The following ARHGEF3 variants were observed in gnomAD, a reference collection of about 807,000 sequenced individuals.
The protein encoded by ARHGEF3 is Rho guanine nucleotide exchange factor 3.
A neutral mutation model predicts 63.2 loss-of-function variants in ARHGEF3; 28 were observed. That is an observed-to-expected ratio of 0.44 (90% CI 0.33 to 0.61). The LOEUF (loss-of-function observed/expected upper bound fraction) is 0.61, where lower values mean the gene tolerates loss of function less well. Among genes scored for constraint, ARHGEF3 ranks in the 20% least tolerant of loss-of-function variants. The pLI, the probability that ARHGEF3 is intolerant of heterozygous loss-of-function variation, is 0.03. For missense variants in ARHGEF3, 533 were observed against 659.3 expected (o/e 0.81, Z 2.10); for synonymous variants, 266 against 254.2 (o/e 1.05, Z -0.44).
In ARHGEF3 at chr3:56,755,078, G is replaced by A. The variant is rs942954666; in HGVS notation, c.278C>T (p.Pro93Leu). The A allele has an allele frequency of 6.2e-7, 1 of 1,614,030 alleles. No homozygotes were observed. The highest frequency in any genetic ancestry group is 1.3e-5 in the African/African-American group (1 of 74,916). Residue 93 changes from proline to leucine, a missense_variant, in exon 3 of 10, where the codon CCC becomes CTC. Coordinates refer to ENST00000296315, the MANE Select transcript of ARHGEF3 (RefSeq NM_019555.3). ...APRPWSRNAA[P>L]SSTKRRDSKL... Reference sequence around the variant, plus strand: ...GCTATCTCTCCGTTTCGTGCTCGAGGGGGCGGCATTTCTGGACCAGGGTCG... The same window carrying A: ...GCTATCTCTCCGTTTCGTGCTCGAGAGGGCGGCATTTCTGGACCAGGGTCG...
chr3:56,788,136 G>T (rs2036912694), intron 1 of ARHGEF3, among the ~76,000 whole-genome samples: 1 of 152,146 alleles, frequency 6.6e-6, no homozygotes, highest in African/African-American at 2.4e-5. Context: ...GTGAGCCCAG[G>T]TTCAAAGGTG....
chr3:56,860,069 T>TAGAC (rs1198924398), intron 4 of ARHGEF3, among the ~76,000 whole-genome samples: 1 of 151,694 alleles, frequency 6.6e-6, no homozygotes, highest in African/African-American at 2.4e-5. Context: ...GATAGATAGA[T>TAGAC]CGATAGATAG....
At chr3:56,757,831 T>G (rs1273369648) in intron 2 of ARHGEF3, among the ~76,000 whole-genome samples, 1 of 151,720 alleles carries the variant, frequency 6.6e-6, no homozygotes, top group African/African-American at 2.4e-5. Context: ...CACACCATTC[T>G]CCTGCCTCAG....
chr3:56,759,594 C>T (rs62252668), intron 2 of ARHGEF3, among the ~76,000 whole-genome samples: 11,308 of 152,192 alleles, frequency 0.074, 471 homozygotes, highest in East Asian at 0.11. Context: ...TGCAGTGGTG[C>T]AACCATATCT....
intron 3 of ARHGEF3, among the ~76,000 whole-genome samples, chr3:56,941,297 TC>T (rs1197358866): frequency 6.6e-6 from 1 of 152,232 alleles, no homozygotes; most frequent in Non-Finnish European, 1.5e-5. Flanking sequence ...AACCTCCGCC[TC>T]CTGGGTTCAA....
chr3:56,982,255 A>C (rs1323728690), intron 2 of ARHGEF3, among the ~76,000 whole-genome samples: 1 of 141,816 alleles, frequency 7.1e-6, no homozygotes, highest in Non-Finnish European at 1.6e-5. Context: ...AGCTCTCTTT[A>C]AAAAAAAAAA....
intron 1 of ARHGEF3, among the ~76,000 whole-genome samples, chr3:57,053,890 TTATATA>T (rs1007084593): frequency 1.3e-5 from 2 of 152,228 alleles, no homozygotes; most frequent in Non-Finnish European, 2.9e-5. Context: ...CCAAATTTAC[TTATATA>T]TATGGCTGCT....
rs138303222 is a variant in ARHGEF3, at chr3:56,877,191, T to C, written c.192+5101A>G. Reference sequence around the variant, plus strand: ...GGATGCCCATCAGCATTAGTTATAATAGCGAAAAGTTGGAACTTATCTAAA... The same window carrying C: ...GGATGCCCATCAGCATTAGTTATAACAGCGAAAAGTTGGAACTTATCTAAA... On this transcript the variant is annotated intron_variant, in intron 4 of 12. Coordinates refer to the ARHGEF3 transcript ENST00000338458. 3.9e-5 allele frequency among the ~76,000 whole-genome samples: 6 copies of C among 152,268 alleles called. No individual in the cohort carries two copies. In the East Asian group the frequency reaches 1.2e-3, roughly 29 times the overall value.
chr3:57,045,611 G>A (rs1704419697), intron 1 of ARHGEF3, among the ~76,000 whole-genome samples: 1 of 152,190 alleles, frequency 6.6e-6, no homozygotes. Context: ...AACCCACTCA[G>A]CAATGTTGTC....
intron 2 of ARHGEF3, among the ~76,000 whole-genome samples, chr3:56,964,839 GA>G (rs1281452236): frequency 6.6e-6 from 1 of 151,952 alleles, no homozygotes; most frequent in Non-Finnish European, 1.5e-5. Context: ...CAAGCCAAAG[GA>G]AAACCATGCT....
At chr3:56,800,207 T>A (rs901577623) in intron 1 of ARHGEF3, among the ~76,000 whole-genome samples, 1 of 152,246 alleles carries the variant, frequency 6.6e-6, no homozygotes, top group African/African-American at 2.4e-5. Flanking sequence ...TCACTATTCT[T>A]TTCTTTGGCC....
chr3:56,968,061 A>AAAAT (rs1553794202), intron 2 of ARHGEF3, among the ~76,000 whole-genome samples: 5 of 12,804 alleles, frequency 3.9e-4, no homozygotes, highest in Admixed American at 2.1e-3. Context: ...TAATATATAT[A>AAAAT]ATATATATAA....
chr3:57,074,240 C>T (rs755094383), intron 1 of ARHGEF3: 2 of 1,613,654 alleles, frequency 1.2e-6, no homozygotes, highest in Non-Finnish European at 1.7e-6. Context: ...CAGTATACTC[C>T]AACACACACA....
intron 3 of ARHGEF3, among the ~76,000 whole-genome samples, chr3:56,925,650 C>T (rs1367986502): frequency 6.6e-6 from 1 of 151,564 alleles, no homozygotes; most frequent in Non-Finnish European, 1.5e-5. Flanking sequence ...TTTATTATCC[C>T]TAGTTTATAG....
At chr3:57,024,719 C>T (rs1703401811) in intron 2 of ARHGEF3, among the ~76,000 whole-genome samples, 1 of 152,212 alleles carries the variant, frequency 6.6e-6, no homozygotes, top group Admixed American at 6.5e-5. Context: ...GATCTCCTGA[C>T]CTCATGATCC....
intron 1 of ARHGEF3, among the ~76,000 whole-genome samples, chr3:57,039,402 C>A (rs961396031): frequency 6.6e-6 from 1 of 152,114 alleles, no homozygotes; most frequent in African/African-American, 2.4e-5. Flanking sequence ...GTGACAATGT[C>A]GAGTCAACCT....
intron 2 of ARHGEF3, among the ~76,000 whole-genome samples, chr3:57,013,939 A>G (rs1702825110): frequency 1.3e-5 from 2 of 152,200 alleles, no homozygotes; most frequent in African/African-American, 4.8e-5. Flanking sequence ...CTTTGGGTCA[A>G]TTTCCACTCT....
chr3:56,917,740 G>A (rs1217716188), intron 3 of ARHGEF3, among the ~76,000 whole-genome samples: 3 of 152,216 alleles, frequency 2.0e-5, no homozygotes, highest in Non-Finnish European at 4.4e-5. Context: ...CAGCAAGGCA[G>A]TGCAGAACTA....
chr3:56,829,858 T>G (rs542816329), intron 4 of ARHGEF3, among the ~76,000 whole-genome samples: 1 of 152,302 alleles, frequency 6.6e-6, no homozygotes, highest in African/African-American at 2.4e-5. Context: ...CTAAGGAGGA[T>G]ATCCACAGAA....
Sources: allele counts gnomAD v4.1 joint callset (sites outside exome capture counted in the v4.1 genomes callset), GRCh38; gene constraint gnomAD v4.1.1; transcripts MANE v1.5; gene names NCBI Gene and HGNC (gene_info 2026-07-23, HGNC 2026-07-21).